Variants in DPP6 observed in about 807,000 individuals in gnomAD.
DPP6 encodes the protein A-type potassium channel modulatory protein DPP6.
Under a neutral mutation model 122.6 loss-of-function variants are expected in DPP6, and 69 were observed. The observed-to-expected ratio is 0.56, with a 90% confidence interval of 0.46 to 0.69. The LOEUF (loss-of-function observed/expected upper bound fraction) is 0.69. Ranked by LOEUF, DPP6 falls within the 30% of genes least tolerant of loss-of-function variation. DPP6 has a pLI of 0.00. For missense variants in DPP6, 928 were observed against 1,116.9 expected (o/e 0.83, Z 2.41); for synonymous variants, 418 against 433.1 (o/e 0.97, Z 0.43).
chr7:154,059,961 T>C (rs1251373418), intron 1 of DPP6, among the ~76,000 whole-genome samples: 1 of 152,030 alleles, frequency 6.6e-6, no homozygotes, highest in Non-Finnish European at 1.5e-5. Context: ...CATTTTGTGA[T>C]GGCTGAGATC....
intron 1 of DPP6, among the ~76,000 whole-genome samples, chr7:154,103,445 A>G (rs923010935): frequency 1.3e-5 from 2 of 152,194 alleles, no homozygotes; most frequent in African/African-American, 4.8e-5. Flanking sequence ...AAATTATACA[A>G]GTGCACCCCT....
At chr7:154,551,763 C>A (rs1428338074) in intron 4 of DPP6, among the ~76,000 whole-genome samples, 1 of 152,002 alleles carries the variant, frequency 6.6e-6, no homozygotes, top group Non-Finnish European at 1.5e-5. Context: ...TTCCAAAAAT[C>A]TCTGCCTAAG....
At chr7:154,484,357 T>C (rs1174278553) in intron 3 of DPP6, among the ~76,000 whole-genome samples, 1 of 152,238 alleles carries the variant, frequency 6.6e-6, no homozygotes, top group South Asian at 2.1e-4. Flanking sequence ...ACATATTTGC[T>C]TTTACAGATC....
chr7:153,909,308 A>T (rs1405827773), intron 1 of DPP6, among the ~76,000 whole-genome samples: 1 of 152,144 alleles, frequency 6.6e-6, no homozygotes, highest in Non-Finnish European at 1.5e-5. Context: ...TGTTCAGCAG[A>T]GCAGGGGCTG....
the DPP6 span, among the ~76,000 whole-genome samples, chr7:153,870,022 T>A: frequency 6.6e-6 from 1 of 152,234 alleles, no homozygotes; most frequent in African/African-American, 2.4e-5. Context: ...AGAGATCAAC[T>A]GTTAGTCTGA....
At chr7:154,252,213 C>CGT (rs141850746) in intron 1 of DPP6, among the ~76,000 whole-genome samples, 8,691 of 150,548 alleles carry the variant, frequency 0.058, 384 homozygotes, top group East Asian at 0.22. Context: ...CACAATGTCA[C>CGT]GTGTGTGTGT....
rs1800526861 is a variant in DPP6 at position 154,053,210 on chromosome 7, C to A, written c.243+147C>A. On this transcript the variant is annotated intron_variant, in intron 1 of 25. Coordinates refer to ENST00000377770, the MANE Select transcript of DPP6 (RefSeq NM_130797.4). ...CTCTCCGGGCGCCCCCAGACAGGCT[C>A]CGTGGCGCCAGATCGCGGTCACCGC... The A allele has an allele frequency of 8.6e-6, 6 of 694,092 alleles. No individual in the cohort carries two copies. In the South Asian group the frequency reaches 2.1e-4, roughly 24 times the overall value. The allele number at this position is 694,092 out of a possible 1,614,324, so 43.0% of individuals were successfully genotyped here.
At chr7:154,326,790 G>A (rs1205418466) in intron 1 of DPP6, among the ~76,000 whole-genome samples, 2 of 152,170 alleles carry the variant, frequency 1.3e-5, no homozygotes, top group African/African-American at 4.8e-5. Flanking sequence ...CTTTCTTAAG[G>A]TATATGGCAA....
intron 5 of DPP6, among the ~76,000 whole-genome samples, chr7:154,595,526 C>T (rs1833043264): frequency 6.6e-6 from 1 of 152,200 alleles, no homozygotes; most frequent in Admixed American, 6.5e-5. Context: ...CTGATGCTGG[C>T]TCCAGGTTTC....
At chr7:153,837,594 AC>A in the DPP6 span, among the ~76,000 whole-genome samples, 3 of 152,214 alleles carry the variant, frequency 2.0e-5, no homozygotes, top group Admixed American at 2.0e-4. Flanking sequence ...CAATGCTAAT[AC>A]AGACCGATTT....
In DPP6 at chr7:154,061,693, TCG is replaced by T. The variant is rs1357274113; in HGVS notation, c.243+8632_243+8633del. ...CCCCCCCTGGCTCTTGGGACCACCA[TCG>T]CAGGGGGGGAGGCAATCCCCGCGAG... On this transcript the variant is annotated intron_variant, in intron 1 of 25. Transcript: ENST00000377770. Among the ~76,000 whole-genome samples the T allele has an allele frequency of 7.1e-5, 6 of 83,998 alleles. 1 individual carries two copies. Among genetic ancestry groups the T allele is most frequent in the Admixed American group, 2.3e-4 (2 of 8,814 alleles). The allele number at this position is 83,998 out of a possible 152,430, so 55.1% of individuals were successfully genotyped here.
At chr7:154,705,763 G>A (rs1276650205) in intron 7 of DPP6, among the ~76,000 whole-genome samples, 1 of 152,252 alleles carries the variant, frequency 6.6e-6, no homozygotes, top group East Asian at 1.9e-4. Context: ...ACAGCAGTTA[G>A]CCAGAACATG....
intron 7 of DPP6, among the ~76,000 whole-genome samples, chr7:154,688,159 G>A (rs56693437): frequency 0.014 from 2,064 of 152,286 alleles, 51 homozygotes; most frequent in African/African-American, 0.046. Context: ...TTGCATATGT[G>A]TATATATGTG....
chr7:154,563,076 A>G (rs1315982071), intron 4 of DPP6, among the ~76,000 whole-genome samples: 2 of 152,240 alleles, frequency 1.3e-5, no homozygotes, highest in African/African-American at 2.4e-5. Flanking sequence ...GGGGTATAAA[A>G]AGTCGGAGGC....
intron 14 of DPP6, 49 bp downstream of exon 14, chr7:154,804,004 ATT>A (rs763119442): frequency 1.3e-5 from 20 of 1,590,328 alleles, no homozygotes; most frequent in Non-Finnish European, 1.6e-5. Flanking sequence ...AATGGGGCAC[ATT>A]TGTTATTTTT....
chr7:153,811,613 C>T, the DPP6 span, among the ~76,000 whole-genome samples: 2 of 151,826 alleles, frequency 1.3e-5, no homozygotes, highest in Non-Finnish European at 3.0e-5. Context: ...GAGATGAGAC[C>T]ACAGAGGCAC....
Position 154,557,693 on chromosome 7 carries a change from A to C in DPP6, c.553-9149A>C, listed in dbSNP as rs556890874. ...ATGTATTGGACAGCAGGCAGTGCACAGCTGTGATCCCCGAGAAAAGAAAAA... is the reference window on the plus strand; with the variant it reads ...ATGTATTGGACAGCAGGCAGTGCACCGCTGTGATCCCCGAGAAAAGAAAAA... On this transcript the variant is annotated intron_variant, in intron 4 of 25. Transcript: ENST00000377770. Among the ~76,000 whole-genome samples the C allele has an allele frequency of 1.4e-4, 21 of 152,238 alleles. No individual in the cohort carries two copies. In the South Asian group the frequency reaches 4.4e-3, roughly 32 times the overall value.
intron 1 of DPP6, among the ~76,000 whole-genome samples, chr7:154,219,991 G>A (rs969177662): frequency 6.6e-6 from 1 of 152,190 alleles, no homozygotes; most frequent in Non-Finnish European, 1.5e-5. Context: ...ACCATTGGTT[G>A]CCTTGCCTTG....
chr7:154,207,165 T>C (rs1353156188), intron 1 of DPP6, among the ~76,000 whole-genome samples: 1 of 152,194 alleles, frequency 6.6e-6, no homozygotes, highest in East Asian at 1.9e-4. Context: ...AGCACACATA[T>C]AAAAGTTCTA....
Sources: gnomAD v4.1 joint callset for allele counts (sites outside exome capture counted in the v4.1 genomes callset) on GRCh38, gnomAD v4.1.1 for gene constraint, MANE v1.5 for transcripts, NCBI Gene and HGNC (gene_info 2026-07-23, HGNC 2026-07-21) for gene names.